The following TNNI3K variants were observed in gnomAD, a reference collection of about 807,000 sequenced individuals.
TNNI3K encodes the protein serine/threonine-protein kinase TNNI3K.
A neutral mutation model predicts 114.5 loss-of-function variants in TNNI3K; 140 were observed. The observed-to-expected ratio is 1.22, with a 90% CI of 1.07 to 1.41. TNNI3K has a LOEUF of 1.41. TNNI3K is among the 40% of genes most tolerant of loss of function. The pLI, the probability that TNNI3K is intolerant of heterozygous loss-of-function variation, is 0.00. For missense variants in TNNI3K, 1,125 were observed against 1,007.6 expected (o/e 1.12, Z -1.58); for synonymous variants, 347 against 347.5 (o/e 1.00, Z 0.02).
intron 23 of TNNI3K, among the ~76,000 whole-genome samples, chr1:74,509,747 C>CTTTTTTTTTTTTTTTT (rs68193106): frequency 2.1e-5 from 1 of 47,784 alleles, no homozygotes; most frequent in Non-Finnish European, 3.6e-5. Context: ...ATCTGAATTT[C>CTTTTTTTTTTTTTTTT]TTTTTTTTTT....
At position 74,544,032 on chromosome 1, in the gene TNNI3K, A is replaced by G. The variant is rs1360936246; in HGVS notation, c.*50A>G. 2 of 1,583,840 alleles carry G rather than the reference A, an allele frequency of 1.3e-6. No individual in the cohort carries two copies. The highest frequency in any genetic ancestry group is 1.2e-5 in the South Asian group (1 of 86,034). On this transcript the variant is annotated 3_prime_UTR_variant, in exon 25 of 25. Transcript: ENST00000326637. ...GAGTTTTTTCCCCGAACTGACAGCA[A>G]CGATTCCAACCACGGCAAGCTGGCT...
chr1:74,382,168 C>T (rs1663235487), intron 17 of TNNI3K, among the ~76,000 whole-genome samples: 3 of 152,172 alleles, frequency 2.0e-5, no homozygotes, highest in Admixed American at 2.0e-4. Context: ...CCTATCACAC[C>T]TTTTTGATTC....
intron 17 of TNNI3K, among the ~76,000 whole-genome samples, chr1:74,385,241 A>C (rs1324083649): frequency 6.6e-6 from 1 of 152,212 alleles, no homozygotes; most frequent in African/African-American, 2.4e-5. Flanking sequence ...AGGTATAAGA[A>C]AGGAATTGAT....
chr1:74,319,478 C>T (rs1378321715), intron 5 of TNNI3K, among the ~76,000 whole-genome samples: 1 of 152,046 alleles, frequency 6.6e-6, no homozygotes, highest in East Asian at 1.9e-4. Flanking sequence ...AAGACAATAT[C>T]AAATATATAG....
rs547634956 is a variant in TNNI3K, at chr1:74,315,863, A to C, written c.445-15587A>C. Among the ~76,000 whole-genome samples, 13 of 152,306 alleles carry C rather than the reference A, an allele frequency of 8.5e-5. No individual in the cohort carries two copies. The East Asian group carries it at 2.5e-3, about 29-fold the overall frequency. On this transcript the variant is annotated intron_variant, in intron 5 of 24. Transcript: ENST00000326637. ...CAAGGAAATTTATACTGTAGGAGAT[A>C]TAAAAATAGACTAGGGAAACAGCAA...
intron 23 of TNNI3K, among the ~76,000 whole-genome samples, chr1:74,525,842 C>G (rs2100425719): frequency 6.6e-6 from 1 of 152,292 alleles, no homozygotes; most frequent in Admixed American, 6.5e-5. Context: ...AAAGAGGCAT[C>G]ACAGCACATC....
At chr1:74,290,378 C>T (rs1238395141) in intron 5 of TNNI3K, among the ~76,000 whole-genome samples, 1 of 151,552 alleles carries the variant, frequency 6.6e-6, no homozygotes, top group Non-Finnish European at 1.5e-5. Flanking sequence ...CTTTGAAATA[C>T]TGCTGTCAGA....
chr1:74,367,135 C>A, intron 11 of TNNI3K, 121 bp from the exon 12 acceptor site: 1 of 912,552 alleles, frequency 1.1e-6, no homozygotes, highest in Non-Finnish European at 1.7e-6. Context: ...TATTGCAATA[C>A]ATTACCTCTT....
chr1:74,324,069 G>A (rs1275901492), intron 5 of TNNI3K, among the ~76,000 whole-genome samples: 1 of 152,200 alleles, frequency 6.6e-6, no homozygotes, highest in African/African-American at 2.4e-5. Flanking sequence ...TGGTCTTGAG[G>A]TCTCCCTCAC....
chr1:74,296,071 C>A (rs1194572663), intron 5 of TNNI3K, among the ~76,000 whole-genome samples: 1 of 109,968 alleles, frequency 9.1e-6, no homozygotes, highest in Non-Finnish European at 1.8e-5. Flanking sequence ...GTCAGAAGAT[C>A]GAGACCATCC....
chr1:74,469,767 G>A (rs1200712531), intron 21 of TNNI3K: 4 of 396,992 alleles, frequency 1.0e-5, no homozygotes, highest in Non-Finnish European at 1.3e-5. Flanking sequence ...TGAGGACGTT[G>A]TTGTCCTCCA....
chr1:74,260,001 A>T (rs951237534), intron 4 of TNNI3K, among the ~76,000 whole-genome samples: 4 of 152,164 alleles, frequency 2.6e-5, no homozygotes, highest in Admixed American at 6.5e-5. Flanking sequence ...TTTTAGGCCA[A>T]ACAGTTCCAC....
At chr1:74,338,378 A>T (rs1660586764) in intron 7 of TNNI3K, among the ~76,000 whole-genome samples, 1 of 151,978 alleles carries the variant, frequency 6.6e-6, no homozygotes, top group African/African-American at 2.4e-5. Context: ...AATTTTGGAA[A>T]GTTTACTATA....
intron 17 of TNNI3K, among the ~76,000 whole-genome samples, chr1:74,416,913 A>G (rs1240369146): frequency 6.6e-6 from 1 of 151,924 alleles, no homozygotes; most frequent in African/African-American, 2.4e-5. Flanking sequence ...ATATCTGATT[A>G]TTTCCTCCCA....
Position 74,510,291 on chromosome 1 carries a change from G to A in TNNI3K, c.2351+18025G>A, listed in dbSNP as rs111465320. ...GGAGGCCGAGGCGGGCAGATCACGAGGTCAGGAGATCGAGACCATCCTGGC... is the reference window on the plus strand; with the variant it reads ...GGAGGCCGAGGCGGGCAGATCACGAAGTCAGGAGATCGAGACCATCCTGGC... On this transcript the variant is annotated intron_variant, in intron 23 of 24. Transcript: ENST00000326637. 2.9e-3 allele frequency among the ~76,000 whole-genome samples: 447 copies of A among 152,196 alleles called. 3 individuals carry two copies. The highest frequency in any genetic ancestry group is 0.01 in the African/African-American group (416 of 41,524).
chr1:74,249,640 T>TA, intron 3 of TNNI3K, 96 bp downstream of exon 3: 1 of 1,225,930 alleles, frequency 8.2e-7, no homozygotes. Flanking sequence ...ATTCTATTCA[T>TA]ACTCAATTTT....
rs114380803 is a variant in TNNI3K, at chr1:74,294,190, A to G, written c.444+22482A>G. On this transcript the variant is annotated intron_variant, in intron 5 of 24. Transcript: ENST00000326637. ...TTTTCTTTAGAATTTTTGCAACTGTATTTGAAAGACATTGTCCTATAATTT... is the reference window on the plus strand; with the variant it reads ...TTTTCTTTAGAATTTTTGCAACTGTGTTTGAAAGACATTGTCCTATAATTT... Among the ~76,000 whole-genome samples, 1,469 of 151,970 alleles carry G rather than the reference A, an allele frequency of 9.7e-3. 26 individuals carry two copies. Among genetic ancestry groups the G allele is most frequent in the African/African-American group, 0.033 (1,383 of 41,546 alleles).
chr1:74,312,519 C>T (rs2100355395), intron 5 of TNNI3K, among the ~76,000 whole-genome samples: 1 of 152,330 alleles, frequency 6.6e-6, no homozygotes, highest in East Asian at 1.9e-4. Context: ...CTTGCCTTTG[C>T]AGGCTGACTG....
intron 9 of TNNI3K, among the ~76,000 whole-genome samples, chr1:74,350,673 A>C (rs1177175460): frequency 2.6e-5 from 4 of 152,014 alleles, no homozygotes; most frequent in Admixed American, 2.6e-4. Context: ...ATATATATTT[A>C]GGATAGTTAG....
Sources: gnomAD v4.1 joint callset for allele counts (sites outside exome capture counted in the v4.1 genomes callset) on GRCh38, gnomAD v4.1.1 for gene constraint, MANE v1.5 for transcripts, NCBI Gene and HGNC (gene_info 2026-07-23, HGNC 2026-07-21) for gene names.